The following CCDC88B variants were observed in gnomAD, a reference collection of about 807,000 sequenced individuals.
CCDC88B encodes coiled-coil domain-containing protein 88B.
CCDC88B carries 138 observed loss-of-function variants against 183.7 expected under a neutral mutation model. The ratio of observed to expected loss-of-function variants is 0.75; its 90% confidence interval spans 0.65 to 0.87. The LOEUF is 0.87. Ranked by LOEUF, CCDC88B falls within the 40% of genes least tolerant of loss-of-function variation. The pLI is 0.00. For synonymous variants in CCDC88B, 835 were observed against 867.5 expected (o/e 0.96, Z 0.66); for missense variants, 1,822 against 1,965.6 (o/e 0.93, Z 1.38).
At chr11:64,355,170 C>G (rs762691860) in intron 24 of CCDC88B, 24 bp from the exon 25 acceptor site, 4 of 1,411,674 alleles carry the variant, frequency 2.8e-6, no homozygotes, top group Non-Finnish European at 2.8e-6. Flanking sequence ...CCTCTCACCC[C>G]CTCCCTGCAT....
chr11:64,352,204 G>A lies in CCDC88B; in HGVS notation c.3174G>A (p.Arg1058=). 1 of 1,608,678 alleles carries A rather than the reference G, an allele frequency of 6.2e-7. No homozygotes were observed. Among genetic ancestry groups the A allele is most frequent in the Non-Finnish European group, 8.5e-7 (1 of 1,176,364 alleles). The change falls in exon 19 of 27, where the codon CGG becomes CGA. Residue 1058 remains arginine (R), a synonymous_variant. Coordinates refer to ENST00000356786, the MANE Select transcript of CCDC88B (RefSeq NM_032251.6). ...RKLEVLEEEV[R]AARQSQEETR... ...TGGAGGTGCTGGAGGAGGAGGTGCG[G>A]GCGGCACGGCAGTCCCAGGAGGAGA...
At chr11:64,356,992 G>C in intron 26 of CCDC88B, 47 bp from the exon 27 acceptor site, 1 of 1,521,212 alleles carries the variant, frequency 6.6e-7, no homozygotes, top group Non-Finnish European at 8.8e-7. Context: ...TGGGACTCTG[G>C]GAGTCCTCCT....
intron 10 of CCDC88B, 24 bp from the exon 11 acceptor site, chr11:64,343,155 C>T (rs1168217475): frequency 1.3e-6 from 2 of 1,509,904 alleles, no homozygotes; most frequent in East Asian, 2.5e-5. Flanking sequence ...GCGTGGCTAC[C>T]GGTTCTCCCT....
chr11:64,347,648 G>A (rs960885439), intron 14 of CCDC88B, among the ~76,000 whole-genome samples: 6 of 152,220 alleles, frequency 3.9e-5, no homozygotes, highest in African/African-American at 1.4e-4. Flanking sequence ...GTGTGGCTGA[G>A]ATGCTGTCTA....
intron 16 of CCDC88B, 36 bp from the exon 17 acceptor site, chr11:64,351,124 C>G: frequency 7.0e-7 from 1 of 1,421,186 alleles, no homozygotes; most frequent in Non-Finnish European, 9.3e-7. Flanking sequence ...GGCACTGCGG[C>G]TGTCCCGCAT....
At position 64,344,023 on chromosome 11, in the gene CCDC88B, G is replaced by T; in HGVS notation, c.1482G>T (p.Glu494Asp). 6.4e-7 allele frequency: 1 copy of T among 1,566,514 alleles called. No homozygotes were observed. The highest frequency in any genetic ancestry group is 8.7e-7 in the Non-Finnish European group (1 of 1,154,820). Residue 494 changes from glutamate (E) to aspartate (D), a missense_variant, in exon 14 of 27, where the codon GAG becomes GAT. Coordinates refer to ENST00000356786, the MANE Select transcript of CCDC88B (RefSeq NM_032251.6). The surrounding 1 kb of genome is among the most constrained non-coding windows in gnomAD (Gnocchi z 4.5). ...ACCCCCTGCTGGAGGCACCGAGAGA[G>T]GACCCTGTTCTTCCAGTGCTGGAGG... is the stretch of plus-strand genomic sequence containing the variant. ...GQHPLLEAPR[E>D]DPVLPVLEEA... is the part of the protein sequence containing the mutation.
At position 64,353,718 on chromosome 11, in the gene CCDC88B, C is replaced by T. The variant is rs80109197; in HGVS notation, c.3837C>T (p.Asp1279=). 3.1e-6 allele frequency: 5 copies of T among 1,613,888 alleles called. No homozygotes were observed. In the East Asian group the frequency reaches 1.1e-4, roughly 36 times the overall value. ...HLHREQREYL[D]QLNALRREKQ... ...TCTCCCTTCTCACTCCTGCCAGGGA[C>T]CAGCTTAATGCCCTGCGCCGCGAGA... Residue 1279 remains aspartate, a synonymous_variant, in exon 23 of 27, where the codon GAC becomes GAT. Coordinates refer to ENST00000356786, the MANE Select transcript of CCDC88B (RefSeq NM_032251.6).
chr11:64,343,550 AGAATGTGGAG>A lies in CCDC88B; in HGVS notation c.1254_1263del (p.Glu418AspfsTer22). 6.4e-7 allele frequency: 1 copy of A among 1,551,914 alleles called. No homozygotes were observed. Among genetic ancestry groups the A allele is most frequent in the Non-Finnish European group, 8.7e-7 (1 of 1,147,134 alleles). On this transcript the variant is annotated frameshift_variant, in exon 12 of 27. Transcript: ENST00000356786. LOFTEE classifies it high-confidence loss of function. ...CATCAGGTGGACCAGCTGGCTGAGG[AGAATGTGGAG>A]CTGGAGCTGGAGCTTCAGCGGAGCT...
chr11:64,342,805 T>G, intron 10 of CCDC88B, 125 bp downstream of exon 10: 2 of 1,100,752 alleles, frequency 1.8e-6, no homozygotes, highest in South Asian at 3.5e-5. Context: ...GGTGGAGAAA[T>G]GGGTGAGGAC....
rs200112857 is a variant in CCDC88B, at chr11:64,345,102, G to T, written c.2561G>T (p.Arg854Leu). The T allele has an allele frequency of 1.9e-6, 3 of 1,550,730 alleles. No homozygotes were observed. Among genetic ancestry groups the T allele is most frequent in the Non-Finnish European group, 2.6e-6 (3 of 1,151,626 alleles). The change falls in exon 14 of 27, where the codon CGC becomes CTC. Residue 854 changes from arginine (R) to leucine (L), a missense_variant. Coordinates refer to ENST00000356786, the MANE Select transcript of CCDC88B (RefSeq NM_032251.6). ...ATGCAGGTGCTGGAGAGCGAGGGCC[G>T]CCAGCACTTGGAGGAGGCTGAGAGG... ...ERMQVLESEGRQHLEEAERER... is the reference protein window; with the variant it reads ...ERMQVLESEGLQHLEEAERER...
intron 14 of CCDC88B, 30 bp downstream of exon 14, chr11:64,345,187 T>C: frequency 2.0e-6 from 3 of 1,531,988 alleles, no homozygotes; most frequent in Non-Finnish European, 2.6e-6. Flanking sequence ...ACCGCTGGGG[T>C]TGGGAAGCAG....
chr11:64,343,754 C>T (rs1301091666), intron 12 of CCDC88B, 24 bp from the exon 13 acceptor site: 1 of 1,546,574 alleles, frequency 6.5e-7, no homozygotes. Flanking sequence ...AAGGAGGGGT[C>T]CTGACCTCAT....
rs1447714764 is a variant in CCDC88B at position 64,355,335 on chromosome 11, C to A, written c.4241C>A (p.Thr1414Asn). 7 of 1,594,890 alleles carry A rather than the reference C, an allele frequency of 4.4e-6. No homozygotes were observed. Among genetic ancestry groups the A allele is most frequent in the Non-Finnish European group, 6.0e-6 (7 of 1,171,760 alleles). Residue 1414 changes from threonine to asparagine, a missense_variant, in exon 25 of 27, where the codon ACC becomes AAC. Coordinates refer to ENST00000356786, the MANE Select transcript of CCDC88B (RefSeq NM_032251.6). ...RSSESFSPGD[T>N]PRQRFRQRHP... ...TCTGAGTCATTCAGCCCTGGGGACA[C>A]CCCTAGGCAACGATTCCGACAGCGC...
intron 14 of CCDC88B, among the ~76,000 whole-genome samples, chr11:64,347,074 G>A (rs1261360307): frequency 2.0e-5 from 3 of 152,336 alleles, no homozygotes; most frequent in Admixed American, 6.5e-5. Context: ...GATTACAGGC[G>A]TGAGCCACCG....
intron 4 of CCDC88B, 24 bp from the exon 5 acceptor site, chr11:64,341,246 C>G: frequency 1.2e-6 from 2 of 1,614,116 alleles, no homozygotes; most frequent in Middle Eastern, 1.6e-4. Flanking sequence ...CCCCAGTTAA[C>G]CCCTTGTGGC....
chr11:64,353,975 G>A (rs771490193), intron 23 of CCDC88B, 29 bp from the exon 24 acceptor site: 1 of 1,527,016 alleles, frequency 6.5e-7, no homozygotes, highest in South Asian at 1.3e-5. Context: ...TCCCTGTCCT[G>A]ACCCCCTCTT....
At position 64,344,889 on chromosome 11, in the gene CCDC88B, C is replaced by T. The variant is rs777273372; in HGVS notation, c.2348C>T (p.Ala783Val). The change falls in exon 14 of 27, where the codon GCA becomes GTA. Residue 783 changes from alanine to valine, a missense_variant. Coordinates refer to ENST00000356786, the MANE Select transcript of CCDC88B (RefSeq NM_032251.6). The surrounding 1 kb of genome is among the most constrained non-coding windows in gnomAD (Gnocchi z 4.5). Reference protein sequence around the residue: ...RRAEAEAHREAEAQAWEQARL... With the variant: ...RRAEAEAHREVEAQAWEQARL... Reference sequence around the variant, plus strand: ...GCAGAGGCCGAGGCCCACCGGGAGGCAGAGGCCCAGGCCTGGGAGCAAGCC... The same window carrying T: ...GCAGAGGCCGAGGCCCACCGGGAGGTAGAGGCCCAGGCCTGGGAGCAAGCC... 10 of 1,594,544 alleles carry T rather than the reference C, an allele frequency of 6.3e-6. No individual in the cohort carries two copies. The highest frequency in any genetic ancestry group is 8.5e-6 in the Non-Finnish European group (10 of 1,170,580).
At chr11:64,341,076 G>A in intron 3 of CCDC88B, 33 bp from the exon 4 acceptor site, 2 of 1,614,032 alleles carry the variant, frequency 1.2e-6, no homozygotes, top group Non-Finnish European at 1.7e-6. Context: ...CCTTCGGGAA[G>A]GCGCCTCATA....
At chr11:64,353,296 C>T in intron 21 of CCDC88B, 55 bp from the exon 22 acceptor site, 2 of 1,594,194 alleles carry the variant, frequency 1.3e-6, no homozygotes, top group African/African-American at 1.3e-5. Flanking sequence ...AAAGCCTAGA[C>T]CCAGGTGGTC....
Sources: allele counts gnomAD v4.1 joint callset (sites outside exome capture counted in the v4.1 genomes callset), GRCh38; gene constraint gnomAD v4.1.1; non-coding constraint Gnocchi (gnomAD v3.1); transcripts MANE v1.5; gene names NCBI Gene and HGNC (gene_info 2026-07-23, HGNC 2026-07-21).